The following SCAF8 variants were observed in gnomAD, a reference collection of about 807,000 sequenced individuals.
SCAF8 encodes the protein SR-related and CTD-associated factor 8.
A neutral mutation model predicts 140.5 loss-of-function variants in SCAF8; 23 were observed. The ratio of observed to expected loss-of-function variants is 0.16; its 90% CI spans 0.12 to 0.23. The LOEUF is 0.23. Ranked by LOEUF, SCAF8 falls within the 10% of genes least tolerant of loss-of-function variation. SCAF8 has a pLI of 1.00. For missense variants in SCAF8, 1,397 were observed against 1,555.7 expected (o/e 0.90, Z 1.72); for synonymous variants, 575 against 528.9 (o/e 1.09, Z -1.20).
At chr6:154,740,376 T>G (rs1273821307) in intron 1 of SCAF8, among the ~76,000 whole-genome samples, 1 of 152,130 alleles carries the variant, frequency 6.6e-6, no homozygotes, top group African/African-American at 2.4e-5. Flanking sequence ...AAATGTTTCT[T>G]TGGGGGCACA....
chr6:154,830,295 C>T (rs1778693388), intron 18 of SCAF8, among the ~76,000 whole-genome samples: 1 of 152,140 alleles, frequency 6.6e-6, no homozygotes, highest in Admixed American at 6.5e-5. Context: ...TATGATTTTA[C>T]GGCATTCTAA....
intron 5 of SCAF8, among the ~76,000 whole-genome samples, chr6:154,793,294 T>C (rs764674722): frequency 5.9e-5 from 9 of 152,132 alleles, no homozygotes; most frequent in Non-Finnish European, 1.2e-4. Context: ...ACTTGGTATT[T>C]ATAGGATACT....
At chr6:154,804,201 G>A (rs138386782) in intron 8 of SCAF8, among the ~76,000 whole-genome samples, 36 of 152,200 alleles carry the variant, frequency 2.4e-4, no homozygotes, top group African/African-American at 8.2e-4. Context: ...AATGGAAGAA[G>A]GATGAATGGT....
intron 4 of SCAF8, among the ~76,000 whole-genome samples, chr6:154,790,927 G>C (rs1777402651): frequency 6.6e-6 from 1 of 152,138 alleles, no homozygotes; most frequent in African/African-American, 2.4e-5. Flanking sequence ...GTGTTAAACA[G>C]TTGTGAATCA....
intron 1 of SCAF8, among the ~76,000 whole-genome samples, chr6:154,736,694 G>A (rs1778431176): frequency 6.6e-6 from 1 of 152,186 alleles, no homozygotes; most frequent in Non-Finnish European, 1.5e-5. Context: ...TATTAATTAA[G>A]GATAAGGGGG....
chr6:154,810,989 A>T (rs929613136), intron 12 of SCAF8, among the ~76,000 whole-genome samples: 15 of 152,290 alleles, frequency 9.8e-5, no homozygotes, highest in African/African-American at 3.1e-4. Flanking sequence ...AATTGGTATA[A>T]TTTGTGCTAC....
In SCAF8 at chr6:154,832,587, T is replaced by A. The variant is rs148047024; in HGVS notation, c.3008T>A (p.Leu1003His). 1,150 of 1,613,886 alleles carry A rather than the reference T, an allele frequency of 7.1e-4. 1 individual carries two copies. The highest frequency in any genetic ancestry group is 9.2e-4 in the Non-Finnish European group (1,081 of 1,179,982). The change falls in exon 20 of 20, where the codon CTT (leucine) becomes CAT (histidine). Residue 1003 changes from leucine (L) to histidine (H), a missense_variant. By Grantham distance (99) the Leu-to-His change is moderately conservative. This residue lies in a region of SCAF8 where 930 missense variants were observed against 874.6 expected (regional missense o/e 1.06). Transcript: ENST00000367178. Reference sequence around the variant, plus strand: ...ACTAACCCAGAAAAAAGGATACCACTTGGGAATGATAACATTCAACAGGAA... The same window carrying A: ...ACTAACCCAGAAAAAAGGATACCACATGGGAATGATAACATTCAACAGGAA... ...NVTNPEKRIP[L>H]GNDNIQQEGD...
intron 1 of SCAF8, among the ~76,000 whole-genome samples, chr6:154,739,321 AAAAC>A (rs1778508385): frequency 1.3e-5 from 2 of 152,214 alleles, no homozygotes; most frequent in Non-Finnish European, 2.9e-5. Context: ...GTACTTTAAA[AAAAC>A]AAAAAACAAA....
chr6:154,787,090 C>T (rs1208950095), intron 3 of SCAF8, among the ~76,000 whole-genome samples: 2 of 152,216 alleles, frequency 1.3e-5, no homozygotes, highest in Non-Finnish European at 2.9e-5. Context: ...CACGGTGGCT[C>T]GTGCCTGTAT....
intron 3 of SCAF8, 59 bp downstream of exon 3, chr6:154,778,104 T>C (rs1454031033): frequency 1.1e-6 from 1 of 917,370 alleles, no homozygotes; most frequent in Non-Finnish European, 1.7e-6. Context: ...TGTACTCTTC[T>C]CCTTTAGATC....
At chr6:154,764,751 A>G (rs969330858) in intron 1 of SCAF8, among the ~76,000 whole-genome samples, 13 of 152,184 alleles carry the variant, frequency 8.5e-5, no homozygotes, top group African/African-American at 3.1e-4. Flanking sequence ...TAGAGATGGA[A>G]TCAGCAGGCA....
At chr6:154,823,859 A>C (rs962544249) in intron 16 of SCAF8, among the ~76,000 whole-genome samples, 10 of 152,316 alleles carry the variant, frequency 6.6e-5, no homozygotes, top group Middle Eastern at 6.8e-3. Context: ...AAATTATGAG[A>C]AATTTAGGCC....
At chr6:154,747,896 C>CTCTGTG (rs3221130) in intron 1 of SCAF8, among the ~76,000 whole-genome samples, 23 of 144,736 alleles carry the variant, frequency 1.6e-4, no homozygotes, top group Non-Finnish European at 3.5e-4. Context: ...CATTTCATTT[C>CTCTGTG]TGTGTGTGTG....
chr6:154,784,022 A>G (rs1450918693), intron 3 of SCAF8, among the ~76,000 whole-genome samples: 1 of 151,638 alleles, frequency 6.6e-6, no homozygotes, highest in Admixed American at 6.6e-5. Flanking sequence ...AGCCGAGATC[A>G]TGCCACTGCA....
At chr6:154,797,232 G>A (rs906452191) in intron 6 of SCAF8, among the ~76,000 whole-genome samples, 3 of 150,880 alleles carry the variant, frequency 2.0e-5, no homozygotes, top group African/African-American at 7.3e-5. Context: ...CTAAATTTAG[G>A]TTTATTGAAG....
chr6:154,800,012 C>T (rs193202892), intron 6 of SCAF8, among the ~76,000 whole-genome samples: 13 of 151,344 alleles, frequency 8.6e-5, no homozygotes, highest in Admixed American at 7.9e-4. Context: ...TCTCAAACTC[C>T]TGACTTTAAG....
intron 13 of SCAF8, 60 bp from the exon 14 acceptor site, chr6:154,818,419 T>A (rs1778317898): frequency 1.2e-6 from 1 of 844,772 alleles, no homozygotes; most frequent in East Asian, 2.7e-5. Context: ...ATTTAAACCA[T>A]AAAATACCAG....
chr6:154,821,596 C>A (rs1438819267), intron 15 of SCAF8, among the ~76,000 whole-genome samples: 2 of 152,094 alleles, frequency 1.3e-5, no homozygotes, highest in African/African-American at 4.8e-5. Flanking sequence ...TGTAGAAGAT[C>A]TGATGGAGAA....
At chr6:154,812,135 GTT>G (rs1177806256) in intron 12 of SCAF8, among the ~76,000 whole-genome samples, 1 of 136,416 alleles carries the variant, frequency 7.3e-6, no homozygotes, top group Non-Finnish European at 1.6e-5. Flanking sequence ...GGCATACCTT[GTT>G]TTATTGCACT....
Sources: gnomAD v4.1 joint callset for allele counts (sites outside exome capture counted in the v4.1 genomes callset) on GRCh38, gnomAD v4.1.1 for gene constraint, gnomAD v4.1.1 regional missense constraint, MANE v1.5 for transcripts, NCBI Gene and HGNC (gene_info 2026-07-23, HGNC 2026-07-21) for gene names.